SPATA16: variants seen among roughly 807,000 people sequenced by gnomAD.
SPATA16 encodes spermatogenesis associated 16.
SPATA16 carries 36 observed loss-of-function variants against 63.3 expected under a neutral mutation model. That is an observed-to-expected ratio of 0.57 (90% CI 0.44 to 0.75). The LOEUF (loss-of-function observed/expected upper bound fraction) is 0.75. Among genes scored for constraint, SPATA16 ranks in the 30% least tolerant of loss-of-function variants. SPATA16 has a pLI of 0.00. For synonymous variants in SPATA16, 203 were observed against 216.7 expected (o/e 0.94, Z 0.56); for missense variants, 646 against 679.3 (o/e 0.95, Z 0.54).
chr3:173,054,670 G>A (rs1401367956), intron 2 of SPATA16, among the ~76,000 whole-genome samples: 2 of 152,028 alleles, frequency 1.3e-5, no homozygotes, highest in Non-Finnish European at 2.9e-5. Flanking sequence ...TAGAGGACAT[G>A]GCAATAGGTG....
At chr3:173,085,877 G>A (rs1208836439) in intron 2 of SPATA16, among the ~76,000 whole-genome samples, 1 of 152,128 alleles carries the variant, frequency 6.6e-6, no homozygotes, top group Non-Finnish European at 1.5e-5. Flanking sequence ...ACTTGATCGT[G>A]GTAAATAAGC....
At chr3:173,114,655 C>G (rs1484204246) in intron 2 of SPATA16, among the ~76,000 whole-genome samples, 2 of 152,190 alleles carry the variant, frequency 1.3e-5, no homozygotes, top group African/African-American at 2.4e-5. Flanking sequence ...CCAAACCTAA[C>G]CCTAATGTAT....
chr3:173,009,824 G>T (rs188523949), intron 4 of SPATA16, among the ~76,000 whole-genome samples: 3 of 152,254 alleles, frequency 2.0e-5, no homozygotes, highest in South Asian at 4.1e-4. Context: ...TATTGTAAAC[G>T]AAAGTGCACT....
At chr3:172,895,326 GT>G (rs956392637) in intron 10 of SPATA16, among the ~76,000 whole-genome samples, 7 of 151,672 alleles carry the variant, frequency 4.6e-5, no homozygotes, top group African/African-American at 9.7e-5. Context: ...AAACTAATAA[GT>G]TTTTTTTTCT....
intron 8 of SPATA16, among the ~76,000 whole-genome samples, chr3:172,919,194 T>C (rs1194028330): frequency 6.6e-6 from 1 of 152,242 alleles, no homozygotes; most frequent in Non-Finnish European, 1.5e-5. Context: ...CTTTAACATT[T>C]AGCCCAGAAA....
intron 2 of SPATA16, among the ~76,000 whole-genome samples, chr3:173,049,655 A>G (rs891642955): frequency 2.0e-5 from 3 of 152,198 alleles, no homozygotes; most frequent in Non-Finnish European, 4.4e-5. Flanking sequence ...ATTGAAAGAA[A>G]AGAAGTGAAA....
intron 3 of SPATA16, among the ~76,000 whole-genome samples, chr3:173,043,497 T>A (rs1302030007): frequency 6.6e-6 from 1 of 151,938 alleles, no homozygotes; most frequent in East Asian, 1.9e-4. Flanking sequence ...TTATTATTTT[T>A]AATTTAGTTA....
intron 10 of SPATA16, among the ~76,000 whole-genome samples, chr3:172,910,729 A>G (rs893367410): frequency 2.8e-4 from 43 of 152,148 alleles, no homozygotes; most frequent in African/African-American, 1.0e-3. Context: ...TTCTCCGCCT[A>G]AGTTTGAAAT....
At chr3:173,035,152 C>T (rs1030985220) in intron 3 of SPATA16, among the ~76,000 whole-genome samples, 1 of 152,038 alleles carries the variant, frequency 6.6e-6, no homozygotes, top group African/African-American at 2.4e-5. Context: ...AACTGACTAG[C>T]CCTCAACTAA....
chr3:173,128,858 A>G (rs1738297222), intron 1 of SPATA16, among the ~76,000 whole-genome samples: 1 of 152,254 alleles, frequency 6.6e-6, no homozygotes, highest in Admixed American at 6.5e-5. Context: ...TACAGAGGAT[A>G]CTGATATTGG....
At chr3:172,975,897 C>T (rs766002637) in intron 5 of SPATA16, among the ~76,000 whole-genome samples, 4 of 151,226 alleles carry the variant, frequency 2.6e-5, no homozygotes, top group South Asian at 2.1e-4. Context: ...AAACTAGGGT[C>T]CAAGACATGG....
intron 2 of SPATA16, among the ~76,000 whole-genome samples, chr3:173,097,192 A>T (rs1459531585): frequency 1.3e-5 from 2 of 152,144 alleles, no homozygotes; most frequent in East Asian, 1.9e-4. Context: ...ACCCACACAT[A>T]GTCACTTAGT....
At chr3:173,111,345 G>A (rs1371545543) in intron 2 of SPATA16, among the ~76,000 whole-genome samples, 1 of 152,088 alleles carries the variant, frequency 6.6e-6, no homozygotes, top group African/African-American at 2.4e-5. Flanking sequence ...AGGAGGCAGA[G>A]CTTACAGTGA....
intron 2 of SPATA16, among the ~76,000 whole-genome samples, chr3:173,067,596 A>C (rs79432000): frequency 0.021 from 3,180 of 152,238 alleles, 112 homozygotes; most frequent in African/African-American, 0.073. Flanking sequence ...ACCTAAAATG[A>C]AAGTTGGGAA....
intron 2 of SPATA16, among the ~76,000 whole-genome samples, chr3:173,053,142 G>A (rs1736140735): frequency 6.6e-6 from 1 of 152,192 alleles, no homozygotes; most frequent in Non-Finnish European, 1.5e-5. Flanking sequence ...GATCACCTGA[G>A]GTCAGGAGTT....
At chr3:172,965,779 T>C (rs1244360945) in intron 5 of SPATA16, among the ~76,000 whole-genome samples, 1 of 152,144 alleles carries the variant, frequency 6.6e-6, no homozygotes, top group Non-Finnish European at 1.5e-5. Context: ...GGTTTCACCA[T>C]GTTGGCCAGG....
chr3:172,991,122 C>T (rs1195998775), intron 4 of SPATA16, among the ~76,000 whole-genome samples: 3 of 151,980 alleles, frequency 2.0e-5, no homozygotes, highest in Non-Finnish European at 2.9e-5. Context: ...TCCTTGATGT[C>T]CTAGGGTAAT....
chr3:172,975,902 A>G (rs561709692), intron 5 of SPATA16, among the ~76,000 whole-genome samples: 2 of 152,170 alleles, frequency 1.3e-5, no homozygotes, highest in East Asian at 3.9e-4. Context: ...AGGGTCCAAG[A>G]CATGGTAGTG....
At chr3:172,936,577 G>A (rs1329397952) in intron 6 of SPATA16, among the ~76,000 whole-genome samples, 1 of 152,176 alleles carries the variant, frequency 6.6e-6, no homozygotes, top group Non-Finnish European at 1.5e-5. Context: ...TAAATGGTAA[G>A]TCCCGAGTTT....
Sources: allele counts gnomAD v4.1 joint callset (sites outside exome capture counted in the v4.1 genomes callset), GRCh38; gene constraint gnomAD v4.1.1; transcripts MANE v1.5; gene names NCBI Gene and HGNC (gene_info 2026-07-23, HGNC 2026-07-21).